The following PNOC variants were observed in gnomAD, a reference collection of about 807,000 sequenced individuals.
PNOC encodes the protein prepronociceptin.
Under a neutral mutation model 15.6 loss-of-function variants are expected in PNOC, and 10 were observed. The ratio of observed to expected loss-of-function variants is 0.64; its 90% CI spans 0.40 to 1.09. The LOEUF is 1.09. Among genes scored for constraint, PNOC ranks in the 50% least tolerant of loss-of-function variants. The probability of loss-of-function intolerance (pLI) is 0.01; values close to 1 mark genes in which losing one functional copy is unlikely to be tolerated. For missense variants in PNOC, 220 were observed against 223.9 expected (o/e 0.98, Z 0.11); for synonymous variants, 98 against 88.5 (o/e 1.11, Z -0.60).
intron 1 of PNOC, among the ~76,000 whole-genome samples, chr8:28,318,000 G>A (rs1421988116): frequency 6.6e-6 from 1 of 152,124 alleles, no homozygotes; most frequent in African/African-American, 2.4e-5. Flanking sequence ...CCCAGAACCC[G>A]ATTCATTTAG....
At chr8:28,329,489 G>A (rs975348006) in intron 2 of PNOC, among the ~76,000 whole-genome samples, 2 of 152,180 alleles carry the variant, frequency 1.3e-5, no homozygotes, top group South Asian at 4.1e-4. Flanking sequence ...CTTACCACCT[G>A]CAGGAAGAGC....
intron 1 of PNOC, among the ~76,000 whole-genome samples, chr8:28,325,143 G>A (rs1801204600): frequency 6.6e-6 from 1 of 152,230 alleles, no homozygotes; most frequent in African/African-American, 2.4e-5. Flanking sequence ...CTGCAGCGTG[G>A]GTCTGTTGTG....
rs369310587 is a variant in PNOC at position 28,339,277 on chromosome 8, G to A, written c.364G>A (p.Glu122Lys). Residue 122 changes from glutamate to lysine, a missense_variant, in exon 3 of 4, where the codon GAG becomes AAG. Transcript: ENST00000301908. ...TGGCATGGAGGAGGCTGGTGAGATG[G>A]AGCAGAAGCAGCTGCAGAAGAGATT... ...EPGMEEAGEM[E>K]QKQLQKRFGG... The A allele has an allele frequency of 3.7e-6, 6 of 1,610,266 alleles. No individual in the cohort carries two copies. In the African/African-American group the frequency reaches 4.0e-5, roughly 11 times the overall value.
intron 2 of PNOC, among the ~76,000 whole-genome samples, chr8:28,330,699 GCC>G (rs1776922542): frequency 2.0e-5 from 3 of 151,538 alleles, no homozygotes; most frequent in African/African-American, 2.4e-5. Context: ...ACCACGCCTG[GCC>G]TGTGCTCTTT....
chr8:28,333,541 C>G (rs984028163), intron 2 of PNOC, among the ~76,000 whole-genome samples: 1 of 152,156 alleles, frequency 6.6e-6, no homozygotes, highest in African/African-American at 2.4e-5. Flanking sequence ...TTAGCTTCCT[C>G]CTATTTGCCC....
At chr8:28,338,544 G>T in intron 2 of PNOC, 2 of 956,568 alleles carry the variant, frequency 2.1e-6, no homozygotes, top group Non-Finnish European at 2.5e-6. Context: ...CAACACCTAG[G>T]TAGATCTTTA....
At chr8:28,337,707 T>C (rs1245566340) in intron 2 of PNOC, among the ~76,000 whole-genome samples, 5 of 150,958 alleles carry the variant, frequency 3.3e-5, no homozygotes, top group Admixed American at 1.3e-4. Context: ...TTCAGCCTCC[T>C]GAGTAGCTGG....
chr8:28,328,080 TTTTTTG>T (rs1801256149), intron 1 of PNOC, among the ~76,000 whole-genome samples: 1 of 143,096 alleles, frequency 7.0e-6, no homozygotes, highest in Non-Finnish European at 1.5e-5. Flanking sequence ...TTTTTTTTTT[TTTTTTG>T]AGACAGAGTC....
At chr8:28,323,814 G>A (rs555722187) in intron 1 of PNOC, among the ~76,000 whole-genome samples, 1 of 152,348 alleles carries the variant, frequency 6.6e-6, no homozygotes, top group East Asian at 1.9e-4. Flanking sequence ...GTTGGGAAGT[G>A]TATGAGAAAA....
chr8:28,323,878 A>G (rs1298085291), intron 1 of PNOC, among the ~76,000 whole-genome samples: 1 of 152,266 alleles, frequency 6.6e-6, no homozygotes, highest in Non-Finnish European at 1.5e-5. Flanking sequence ...TTTCACTGAC[A>G]TTAATCTCAT....
At chr8:28,338,983 C>T in intron 2 of PNOC, 57 bp from the exon 3 acceptor site, 3 of 1,443,340 alleles carry the variant, frequency 2.1e-6, no homozygotes, top group South Asian at 2.7e-5. Flanking sequence ...CCTCCCTCGC[C>T]CTGGATTAAC....
intron 1 of PNOC, among the ~76,000 whole-genome samples, chr8:28,317,543 G>A (rs776185197): frequency 6.6e-6 from 1 of 152,174 alleles, no homozygotes; most frequent in Non-Finnish European, 1.5e-5. Context: ...TCAGACAGAC[G>A]CAGAAGCAGA....
At chr8:28,319,130 T>C (rs1801106593) in intron 1 of PNOC, among the ~76,000 whole-genome samples, 1 of 151,984 alleles carries the variant, frequency 6.6e-6, no homozygotes, top group Admixed American at 6.6e-5. Context: ...CCCTGTGAGG[T>C]GGTGCCATTA....
intron 1 of PNOC, among the ~76,000 whole-genome samples, chr8:28,319,161 A>G (rs1389351640): frequency 6.6e-6 from 1 of 150,802 alleles, no homozygotes; most frequent in Non-Finnish European, 1.5e-5. Context: ...GCAGTTGGAG[A>G]AACTGAAACT....
At chr8:28,330,386 A>ATTTT (rs1365236960) in intron 2 of PNOC, among the ~76,000 whole-genome samples, 45 of 59,832 alleles carry the variant, frequency 7.5e-4, no homozygotes, top group South Asian at 2.4e-3. Flanking sequence ...ATTTTATTTT[A>ATTTT]TTTTATTTTA....
chr8:28,339,198 G>A lies in PNOC; in HGVS notation c.285G>A (p.Leu95=), dbSNP rs779916735. The A allele has an allele frequency of 6.2e-7, 1 of 1,613,366 alleles. No individual in the cohort carries two copies. Among genetic ancestry groups the A allele is most frequent in the Non-Finnish European group, 8.5e-7 (1 of 1,179,314 alleles). Residue 95 remains leucine, a synonymous_variant, in exon 3 of 4, where the codon CTG becomes CTA. Coordinates refer to ENST00000301908, the MANE Select transcript of PNOC (RefSeq NM_006228.5). ...YQPRASEMQH[L]RRMPRVRSLF... Reference sequence around the variant, plus strand: ...CGAGAGCTTCGGAGATGCAGCATCTGCGGCGAATGCCCCGAGTCCGGAGCT... The same window carrying A: ...CGAGAGCTTCGGAGATGCAGCATCTACGGCGAATGCCCCGAGTCCGGAGCT...
chr8:28,338,891 A>G, intron 2 of PNOC, 149 bp from the exon 3 acceptor site: 1 of 1,042,094 alleles, frequency 9.6e-7, no homozygotes, highest in Non-Finnish European at 1.3e-6. Context: ...CTACGAACCT[A>G]AAACCTGTGT....
intron 2 of PNOC, among the ~76,000 whole-genome samples, chr8:28,335,883 G>C (rs185286916): frequency 2.0e-5 from 3 of 151,760 alleles, no homozygotes; most frequent in Non-Finnish European, 4.4e-5. Flanking sequence ...CCAGGTGTGG[G>C]ACCCTTTAGA....
At chr8:28,342,068 G>A (rs1365752477) in intron 3 of PNOC, among the ~76,000 whole-genome samples, 1 of 152,178 alleles carries the variant, frequency 6.6e-6, no homozygotes, top group Non-Finnish European at 1.5e-5. Context: ...TTCAGGGCCG[G>A]GCGCGGTAGC....
Sources: gnomAD v4.1 joint callset for allele counts (sites outside exome capture counted in the v4.1 genomes callset) on GRCh38, gnomAD v4.1.1 for gene constraint, MANE v1.5 for transcripts, NCBI Gene and HGNC (gene_info 2026-07-23, HGNC 2026-07-21) for gene names.